The following PARK7 variants were observed in gnomAD, a reference collection of about 807,000 sequenced individuals.
PARK7 encodes Parkinson disease protein 7.
PARK7 carries 14 observed loss-of-function variants against 20.5 expected under a neutral mutation model. The observed-to-expected ratio is 0.68, with a 90% CI of 0.45 to 1.07. The LOEUF (loss-of-function observed/expected upper bound fraction) is 1.07. PARK7 is among the 50% of genes least tolerant of loss of function. The pLI is 0.00. For synonymous variants in PARK7, 98 were observed against 84.3 expected (o/e 1.16, Z -0.89); for missense variants, 234 against 238.1 (o/e 0.98, Z 0.11).
At chr1:7,968,618 C>T (rs987499186) in intron 3 of PARK7, among the ~76,000 whole-genome samples, 6 of 152,018 alleles carry the variant, frequency 3.9e-5, no homozygotes, top group African/African-American at 9.7e-5. Flanking sequence ...TAGGTTCAAG[C>T]GATTCTCCTG....
chr1:7,973,822 C>T (rs559615853), intron 5 of PARK7, among the ~76,000 whole-genome samples: 145 of 151,508 alleles, frequency 9.6e-4, no homozygotes, highest in Non-Finnish European at 1.8e-3. Context: ...GCAGGAGAAT[C>T]GCTTGAACCC....
intron 5 of PARK7, among the ~76,000 whole-genome samples, chr1:7,974,577 C>T (rs1475643035): frequency 6.6e-5 from 10 of 150,880 alleles, no homozygotes; most frequent in Admixed American, 2.6e-4. Flanking sequence ...TGCAGTGAGC[C>T]GAGATTGCGC....
rs569482944 is a variant in PARK7 at position 7,984,112 on chromosome 1, G to A, written c.410-782G>A. On this transcript the variant is annotated intron_variant, in intron 6 of 6. Coordinates refer to ENST00000338639, the MANE Select transcript of PARK7 (RefSeq NM_007262.5). This position sits in a 1 kb window ranked among gnomAD's most constrained non-coding sequence, Gnocchi z 4.3. ...AAGGAGCAAGGAACTGGAAAGAGCT[G>A]GTCTCTGGGTGGAGGGAGCAGCCCT... Among the ~76,000 whole-genome samples the A allele has an allele frequency of 3.9e-5, 6 of 152,234 alleles. No homozygotes were observed. Among genetic ancestry groups the A allele is most frequent in the African/African-American group, 1.2e-4 (5 of 41,534 alleles).
chr1:7,980,446 CT>C (rs1640687413), intron 6 of PARK7, among the ~76,000 whole-genome samples: 1 of 152,088 alleles, frequency 6.6e-6, no homozygotes, highest in Non-Finnish European at 1.5e-5. Context: ...GATGCTCACA[CT>C]TGGAGTTTAC....
intron 5 of PARK7, among the ~76,000 whole-genome samples, chr1:7,976,585 C>T (rs1640587802): frequency 6.6e-6 from 1 of 152,158 alleles, no homozygotes; most frequent in Non-Finnish European, 1.5e-5. Flanking sequence ...GATGCTAGTG[C>T]CTTTATATCT....
intron 5 of PARK7, among the ~76,000 whole-genome samples, 183 bp from the exon 6 acceptor site, chr1:7,977,469 G>T (rs1025347871): frequency 6.6e-6 from 1 of 152,152 alleles, no homozygotes; most frequent in Non-Finnish European, 1.5e-5. Context: ...TTTTGTTGTT[G>T]TTAGAGAAGG....
chr1:7,963,729 C>T (rs915321508), intron 2 of PARK7, among the ~76,000 whole-genome samples: 2 of 151,912 alleles, frequency 1.3e-5, no homozygotes, highest in African/African-American at 4.8e-5. Flanking sequence ...TTTGAAGCCC[C>T]CTTTGTAAAT....
At chr1:7,979,058 A>G (rs898221872) in intron 6 of PARK7, among the ~76,000 whole-genome samples, 3 of 152,086 alleles carry the variant, frequency 2.0e-5, no homozygotes, top group African/African-American at 4.8e-5. Flanking sequence ...CTGCTAGTCC[A>G]GTGTTGGAAT....
At chr1:7,970,703 T>C (rs540883438) in intron 4 of PARK7, among the ~76,000 whole-genome samples, 191 bp from the exon 5 acceptor site, 2 of 152,368 alleles carry the variant, frequency 1.3e-5, no homozygotes, top group East Asian at 1.9e-4. Context: ...AGAAATGCCT[T>C]GCTTGGGTTT....
chr1:7,970,260 G>A (rs762854819), intron 4 of PARK7, among the ~76,000 whole-genome samples: 6 of 152,142 alleles, frequency 3.9e-5, no homozygotes, highest in Admixed American at 6.5e-5. Context: ...AACAGATGTC[G>A]ATGAATACAG....
rs1557453668 is a variant in PARK7, at chr1:7,985,247, C to T, written c.*193C>T. On this transcript the variant is annotated 3_prime_UTR_variant, in exon 7 of 7. Transcript: ENST00000338639. ...AAATTGTGTCTATACATTTCTAAGC[C>T]TTGTTTGCAGAATAAACAGGGCATT... is the stretch of plus-strand genomic sequence containing the variant. The T allele has an allele frequency of 2.8e-6, 2 of 721,598 alleles. No homozygotes were observed. The highest frequency in any genetic ancestry group is 2.3e-6 in the Non-Finnish European group (1 of 437,958). 44.7% of individuals were successfully genotyped at this position (721,598 alleles called of 1,614,324 possible). A position where few individuals can be genotyped will look rare whatever the true frequency, so the allele number is the denominator to read the frequency against.
intron 6 of PARK7, among the ~76,000 whole-genome samples, chr1:7,983,996 C>T (rs1640765628): frequency 6.6e-6 from 1 of 152,108 alleles, no homozygotes; most frequent in Non-Finnish European, 1.5e-5. Context: ...AAATAGAATG[C>T]GGTGATAGAG....
intron 3 of PARK7, 82 bp from the exon 4 acceptor site, chr1:7,969,263 A>G (rs1640399083): frequency 6.2e-6 from 7 of 1,123,654 alleles, no homozygotes; most frequent in Non-Finnish European, 9.3e-6. Context: ...CATTTAAAAT[A>G]GGAAAGTATT....
At chr1:7,981,721 C>T (rs1290801993) in intron 6 of PARK7, among the ~76,000 whole-genome samples, 5 of 150,074 alleles carry the variant, frequency 3.3e-5, no homozygotes, top group African/African-American at 1.2e-4. Flanking sequence ...TACAGTGGCA[C>T]GATCTGTGCT....
intron 3 of PARK7, among the ~76,000 whole-genome samples, chr1:7,968,302 C>T (rs1210040772): frequency 2.7e-4 from 27 of 101,810 alleles, no homozygotes; most frequent in Non-Finnish European, 4.1e-4. Context: ...GACTCTGTCT[C>T]AAAAAAAAAA....
intron 2 of PARK7, among the ~76,000 whole-genome samples, chr1:7,963,424 C>G (rs1027582281): frequency 6.7e-6 from 1 of 149,974 alleles, no homozygotes; most frequent in Non-Finnish European, 1.5e-5. Flanking sequence ...CTCTGTGTCG[C>G]TCAGCCTGGA....
chr1:7,978,403 T>G (rs1029427666), intron 6 of PARK7, among the ~76,000 whole-genome samples: 2 of 149,900 alleles, frequency 1.3e-5, no homozygotes, highest in Non-Finnish European at 3.0e-5. Context: ...TTTTTTTTTT[T>G]TTTTTGAGAT....
chr1:7,962,626 G>T (rs898499181), intron 1 of PARK7, 137 bp from the exon 2 acceptor site: 1 of 613,952 alleles, frequency 1.6e-6, no homozygotes, highest in Admixed American at 2.9e-5. Flanking sequence ...TGCTTTTTTC[G>T]TATTCAGTTG....
At chr1:7,970,168 C>T (rs139882570) in intron 4 of PARK7, among the ~76,000 whole-genome samples, 1 of 151,952 alleles carries the variant, frequency 6.6e-6, no homozygotes, top group South Asian at 2.1e-4. Context: ...GCATTCTAGC[C>T]TGGGCAACAA....
Sources: gnomAD v4.1 joint callset for allele counts (sites outside exome capture counted in the v4.1 genomes callset) on GRCh38, gnomAD v4.1.1 for gene constraint, Gnocchi (gnomAD v3.1) non-coding constraint, MANE v1.5 for transcripts, NCBI Gene and HGNC (gene_info 2026-07-23, HGNC 2026-07-21) for gene names.